TET1: variants seen among roughly 807,000 people sequenced by gnomAD.
TET1 encodes the protein methylcytosine dioxygenase TET1.
In TET1, 13 loss-of-function variants were observed where a neutral mutation model predicts 148.7. The ratio of observed to expected loss-of-function variants is 0.09; its 90% CI spans 0.06 to 0.14. TET1 has a LOEUF of 0.14. TET1 is among the 10% of genes least tolerant of loss of function. The probability of loss-of-function intolerance (pLI) is 1.00; values close to 1 mark genes in which losing one functional copy is unlikely to be tolerated. For missense variants in TET1, 2,182 were observed against 2,553.8 expected (o/e 0.85, Z 3.14); for synonymous variants, 907 against 937.2 (o/e 0.97, Z 0.59).
intron 3 of TET1, among the ~76,000 whole-genome samples, chr10:68,606,787 T>A (rs1345917988): frequency 6.6e-6 from 1 of 152,168 alleles, no homozygotes; most frequent in Non-Finnish European, 1.5e-5. Context: ...CACAGGAAGG[T>A]CATAGAAATT....
chr10:68,650,794 A>G (rs1211100552), intron 4 of TET1, among the ~76,000 whole-genome samples: 1 of 152,200 alleles, frequency 6.6e-6, no homozygotes, highest in Non-Finnish European at 1.5e-5. Context: ...CATGAGTCTA[A>G]GGGGCCAAGT....
At chr10:68,562,675 A>G (rs1278808384) in intron 1 of TET1, among the ~76,000 whole-genome samples, 8 of 140,264 alleles carry the variant, frequency 5.7e-5, no homozygotes, top group Non-Finnish European at 7.8e-5. Context: ...TTTTAATAAG[A>G]GTTAACTATC....
intron 2 of TET1, among the ~76,000 whole-genome samples, chr10:68,581,099 A>T (rs1346611130): frequency 6.6e-6 from 1 of 152,188 alleles, no homozygotes; most frequent in African/African-American, 2.4e-5. Context: ...AACTCCTCGG[A>T]TAAGTGAAAA....
chr10:68,581,868 G>A lies in TET1; in HGVS notation c.1914+7616G>A, dbSNP rs138595529. ...AAAAAAAGGAAAGCAATCTAAAGTC[G>A]TGGACTATATCCCTGAAGATAGGGT... On this transcript the variant is annotated intron_variant, in intron 2 of 11. Coordinates refer to ENST00000373644, the MANE Select transcript of TET1 (RefSeq NM_030625.3). Among the ~76,000 whole-genome samples the A allele has an allele frequency of 3.4e-3, 511 of 151,824 alleles. 6 individuals are homozygous for A. The highest frequency in any genetic ancestry group is 0.012 in the African/African-American group (498 of 41,412).
At chr10:68,565,464 T>TAAAAA (rs199760806) in intron 1 of TET1, among the ~76,000 whole-genome samples, 217 of 107,962 alleles carry the variant, frequency 2.0e-3, no homozygotes, top group Middle Eastern at 5.0e-3. Context: ...AGACCCTGTT[T>TAAAAA]AAAAAAAAAA....
intron 1 of TET1, among the ~76,000 whole-genome samples, chr10:68,568,673 G>A (rs1357524032): frequency 6.6e-6 from 1 of 152,162 alleles, no homozygotes; most frequent in Non-Finnish European, 1.5e-5. Flanking sequence ...GTCAAGTGGT[G>A]AGACTCCATC....
rs540141799 is a variant in TET1, at chr10:68,617,904, C to G, written c.1968+16870C>G. On this transcript the variant is annotated intron_variant, in intron 3 of 11. Transcript: ENST00000373644. ...TTGTACCATGTTACCTTTACGTCAT[C>G]TTGAATTTCTTTCTTTCTCTTTTTT... Among the ~76,000 whole-genome samples the G allele has an allele frequency of 4.6e-5, 7 of 151,922 alleles. No homozygotes were observed. The South Asian group carries it at 1.0e-3, about 23-fold the overall frequency.
chr10:68,649,138 G>A (rs573049077), intron 4 of TET1, among the ~76,000 whole-genome samples: 1 of 152,272 alleles, frequency 6.6e-6, no homozygotes, highest in African/African-American at 2.4e-5. Flanking sequence ...TATTTTCACA[G>A]AAGCTCTTCA....
At chr10:68,657,243 C>T (rs1175402348) in intron 6 of TET1, among the ~76,000 whole-genome samples, 2 of 151,932 alleles carry the variant, frequency 1.3e-5, no homozygotes, top group African/African-American at 4.8e-5. Flanking sequence ...GTGGCGTGAT[C>T]TCGGCTCACT....
intron 3 of TET1, chr10:68,632,834 G>C: frequency 9.7e-6 from 3 of 308,178 alleles, no homozygotes; most frequent in Non-Finnish European, 1.7e-5. Flanking sequence ...AGTTTAAGTT[G>C]TAAAAAAAAA....
chr10:68,662,435 TCTTTA>T (rs1239796100), intron 6 of TET1, among the ~76,000 whole-genome samples: 1 of 152,192 alleles, frequency 6.6e-6, no homozygotes, highest in Non-Finnish European at 1.5e-5. Context: ...AAGTTGGATG[TCTTTA>T]CTTATTATTA....
intron 11 of TET1, among the ~76,000 whole-genome samples, chr10:68,689,515 AC>A (rs1470654620): frequency 2.0e-5 from 3 of 151,996 alleles, no homozygotes; most frequent in Non-Finnish European, 4.4e-5. Context: ...ATCCTGGTCA[AC>A]ATGGTGAAAC....
chr10:68,560,942 T>C (rs1328914738), intron 1 of TET1, among the ~76,000 whole-genome samples, 200 bp downstream of exon 1: 1 of 152,146 alleles, frequency 6.6e-6, no homozygotes, highest in Non-Finnish European at 1.5e-5. Flanking sequence ...ACGCTTTTGT[T>C]GCCGGAGATA....
At chr10:68,661,270 G>A (rs1030112786) in intron 6 of TET1, among the ~76,000 whole-genome samples, 10 of 122,250 alleles carry the variant, frequency 8.2e-5, no homozygotes, top group African/African-American at 3.2e-4. Context: ...GGATGTTCTC[G>A]ATCTCCTGAC....
chr10:68,569,466 G>A (rs1183534653), intron 1 of TET1, among the ~76,000 whole-genome samples: 6 of 152,046 alleles, frequency 3.9e-5, no homozygotes, highest in African/African-American at 1.4e-4. Flanking sequence ...GAATCACCAC[G>A]CCTGGCCAGT....
chr10:68,576,159 T>A (rs1346805344), intron 2 of TET1, among the ~76,000 whole-genome samples: 1 of 152,108 alleles, frequency 6.6e-6, no homozygotes, highest in African/African-American at 2.4e-5. Flanking sequence ...GAGACCAGCC[T>A]GGCCAACCTG....
intron 4 of TET1, among the ~76,000 whole-genome samples, chr10:68,649,941 TAAAGAC>T (rs987832650): frequency 2.0e-5 from 3 of 152,144 alleles, no homozygotes; most frequent in Non-Finnish European, 4.4e-5. Flanking sequence ...AAAAGGCACT[TAAAGAC>T]AGAGAAACAA....
At position 68,646,551 on chromosome 10, in the gene TET1, G is replaced by T. The variant is rs372031665; in HGVS notation, c.3822G>T (p.Gly1274=). The T allele has an allele frequency of 7.8e-5, 126 of 1,614,164 alleles. No homozygotes were observed. In the South Asian group the frequency reaches 1.3e-3, roughly 16 times the overall value. ...TTCATCTTAAAACGGAATCCAACGG[G>T]AAGGCATTCACTGATAAAGCTTATA... ...SLFHLKTESN[G]KAFTDKAYNS... Residue 1274 remains glycine (G), a synonymous_variant, in exon 4 of 12, where the codon GGG becomes GGT. Coordinates refer to ENST00000373644, the MANE Select transcript of TET1 (RefSeq NM_030625.3).
intron 7 of TET1, among the ~76,000 whole-genome samples, chr10:68,670,843 A>G: frequency 6.6e-6 from 1 of 152,150 alleles, no homozygotes; most frequent in Non-Finnish European, 1.5e-5. Flanking sequence ...CAGTGAAAAC[A>G]TAAAAAATAG....
Sources: gnomAD v4.1 joint callset for allele counts (sites outside exome capture counted in the v4.1 genomes callset) on GRCh38, gnomAD v4.1.1 for gene constraint, MANE v1.5 for transcripts, NCBI Gene and HGNC (gene_info 2026-07-23, HGNC 2026-07-21) for gene names.